Variants in EPM2A observed in about 807,000 individuals in gnomAD.
EPM2A encodes laforin.
A neutral mutation model predicts 26.5 loss-of-function variants in EPM2A; 21 were observed. The ratio of observed to expected loss-of-function variants is 0.79; its 90% confidence interval spans 0.56 to 1.14. The LOEUF (loss-of-function observed/expected upper bound fraction) is 1.14, where lower values mean the gene tolerates loss of function less well. Among genes scored for constraint, EPM2A ranks in the 50% most tolerant of loss-of-function variants. EPM2A has a pLI of 0.00. For synonymous variants in EPM2A, 217 were observed against 177.6 expected (o/e 1.22, Z -1.76); for missense variants, 458 against 440.8 (o/e 1.04, Z -0.35).
At chr6:145,574,167 T>C (rs968761405) in intron 2 of EPM2A, among the ~76,000 whole-genome samples, 1 of 152,158 alleles carries the variant, frequency 6.6e-6, no homozygotes, top group African/African-American at 2.4e-5. Flanking sequence ...TGAGGGGCCA[T>C]GATTCTCTGA....
At chr6:145,621,859 T>A (rs757790348), downstream of EPM2A, among the ~76,000 whole-genome samples, 1 of 152,116 alleles carries the variant, frequency 6.6e-6, no homozygotes, top group Admixed American at 6.5e-5. Context: ...ATCAGACATA[T>A]TATGGTTTGC....
intron 2 of EPM2A, among the ~76,000 whole-genome samples, chr6:145,591,669 T>A (rs1359865693): frequency 6.6e-6 from 1 of 151,986 alleles, no homozygotes; most frequent in Non-Finnish European, 1.5e-5. Flanking sequence ...GCAGCAGACC[T>A]GCACCGTAAG....
intron 4 of EPM2A, among the ~76,000 whole-genome samples, chr6:145,467,436 T>A (rs1189786435): frequency 6.6e-6 from 1 of 152,170 alleles, no homozygotes; most frequent in Non-Finnish European, 1.5e-5. Flanking sequence ...TATACTCTTT[T>A]TCTGTGCAGT....
chr6:145,671,661 C>T (rs1408374819), intron 2 of EPM2A, among the ~76,000 whole-genome samples: 1 of 152,196 alleles, frequency 6.6e-6, no homozygotes, highest in Non-Finnish European at 1.5e-5. Flanking sequence ...GGCTAGAACC[C>T]TAGCTCCTTA....
intron 2 of EPM2A, among the ~76,000 whole-genome samples, chr6:145,588,000 G>T (rs1781220414): frequency 6.6e-6 from 1 of 152,128 alleles, no homozygotes; most frequent in African/African-American, 2.4e-5. Flanking sequence ...AGTACTTACA[G>T]ATTCAATTAT....
At chr6:145,720,274 T>C (rs1775884354) in intron 1 of EPM2A, among the ~76,000 whole-genome samples, 1 of 152,310 alleles carries the variant, frequency 6.6e-6, no homozygotes, top group African/African-American at 2.4e-5. Context: ...TTCTTCATTG[T>C]AGAGAAAACA....
At chr6:145,659,761 T>C (rs1032983856) in intron 2 of EPM2A, among the ~76,000 whole-genome samples, 1 of 152,206 alleles carries the variant, frequency 6.6e-6, no homozygotes, top group African/African-American at 2.4e-5. Flanking sequence ...ACTGGATGTG[T>C]AAACAGACTG....
intron 1 of EPM2A, among the ~76,000 whole-genome samples, chr6:145,713,423 T>C (rs1212115066): frequency 6.6e-6 from 1 of 152,178 alleles, no homozygotes; most frequent in South Asian, 2.1e-4. Flanking sequence ...TACATACACA[T>C]ATGTGTGTAC....
chr6:145,502,496 C>G (rs1421013513), intron 3 of EPM2A: 1 of 469,038 alleles, frequency 2.1e-6, no homozygotes, highest in Non-Finnish European at 4.4e-6. Context: ...AAGCTGCTCA[C>G]TGGGAGGAGG....
chr6:145,548,802 C>T (rs183466736), intron 2 of EPM2A, among the ~76,000 whole-genome samples: 3 of 152,200 alleles, frequency 2.0e-5, no homozygotes, highest in Admixed American at 6.6e-5. Context: ...TTGCTCTACT[C>T]AATAAATCAA....
intron 2 of EPM2A, among the ~76,000 whole-genome samples, chr6:145,645,769 T>C (rs1777415690): frequency 6.6e-6 from 1 of 152,076 alleles, no homozygotes; most frequent in Admixed American, 6.5e-5. Flanking sequence ...AATTTTTGTA[T>C]ATTTTGCAGA....
At chr6:145,415,626 T>A (rs759462603) in intron 4 of EPM2A, among the ~76,000 whole-genome samples, 1 of 152,220 alleles carries the variant, frequency 6.6e-6, no homozygotes, top group Non-Finnish European at 1.5e-5. Flanking sequence ...GGCTATGTGA[T>A]GATGATAATA....
chr6:145,502,050 G>A (rs1004210474), intron 3 of EPM2A, among the ~76,000 whole-genome samples: 3 of 152,338 alleles, frequency 2.0e-5, no homozygotes, highest in East Asian at 3.9e-4. Flanking sequence ...GTGAAAAGGA[G>A]CTTTTATTAT....
chr6:145,627,344 T>A lies in EPM2A; in HGVS notation c.*72A>T. The A allele has an allele frequency of 6.2e-7, 1 of 1,607,414 alleles. No homozygotes were observed. The highest frequency in any genetic ancestry group is 8.5e-7 in the Non-Finnish European group (1 of 1,179,928). ...TTTCAGTTCAGGTAGAATCCTTGTTTCTAGGTCATTTGACCAACATCATCC... is the reference window on the plus strand; with the variant it reads ...TTTCAGTTCAGGTAGAATCCTTGTTACTAGGTCATTTGACCAACATCATCC... On this transcript the variant is annotated 3_prime_UTR_variant, in exon 4 of 4. Coordinates refer to ENST00000367519, the MANE Select transcript of EPM2A (RefSeq NM_005670.4).
intron 2 of EPM2A, among the ~76,000 whole-genome samples, chr6:145,674,838 G>A (rs1177281042): frequency 2.0e-5 from 3 of 151,942 alleles, no homozygotes; most frequent in Non-Finnish European, 4.4e-5. Flanking sequence ...CAGGGAGAAT[G>A]GAACCAAGTT....
At chr6:145,554,288 C>A (rs1780692059) in intron 2 of EPM2A, among the ~76,000 whole-genome samples, 1 of 151,916 alleles carries the variant, frequency 6.6e-6, no homozygotes, top group Non-Finnish European at 1.5e-5. Context: ...CCCAGAAAAA[C>A]CCGAGTTTTT....
intron 2 of EPM2A, among the ~76,000 whole-genome samples, chr6:145,683,211 C>T (rs1349324281): frequency 6.7e-6 from 1 of 149,722 alleles, no homozygotes; most frequent in Non-Finnish European, 1.5e-5. Flanking sequence ...AACTACTGTC[C>T]TTTCACACAT....
intron 3 of EPM2A, among the ~76,000 whole-genome samples, chr6:145,634,931 A>G (rs1367377861): frequency 6.6e-6 from 1 of 152,160 alleles, no homozygotes; most frequent in Non-Finnish European, 1.5e-5. Context: ...TGCCATCCCT[A>G]TAGGACAATG....
intron 2 of EPM2A, among the ~76,000 whole-genome samples, chr6:145,547,527 C>A (rs1780598876): frequency 6.6e-6 from 1 of 152,244 alleles, no homozygotes; most frequent in Non-Finnish European, 1.5e-5. Flanking sequence ...CATGGAAGCA[C>A]ATTCTACAAG....
Sources: gnomAD v4.1 joint callset for allele counts (sites outside exome capture counted in the v4.1 genomes callset) on GRCh38, gnomAD v4.1.1 for gene constraint, MANE v1.5 for transcripts, NCBI Gene and HGNC (gene_info 2026-07-23, HGNC 2026-07-21) for gene names.